Variants in PHGDH observed in about 807,000 individuals in gnomAD.
The protein encoded by PHGDH is phosphoglycerate dehydrogenase.
PHGDH carries 50 observed loss-of-function variants against 52.6 expected under a neutral mutation model. The ratio of observed to expected loss-of-function variants is 0.95; its 90% CI spans 0.76 to 1.20. The LOEUF (loss-of-function observed/expected upper bound fraction) is 1.20, where lower values mean the gene tolerates loss of function less well. Ranked by LOEUF, PHGDH falls within the 50% of genes most tolerant of loss-of-function variation. PHGDH has a pLI of 0.00. For synonymous variants in PHGDH, 271 were observed against 280.5 expected, an observed-to-expected ratio of 0.97 and a Z score of 0.34; for missense variants, 630 against 684.6, an observed-to-expected ratio of 0.92 and a Z score of 0.89.
At chr1:119,726,779 C>T in intron 3 of PHGDH, 72 bp from the exon 4 acceptor site, 2 of 1,255,716 alleles carry the variant, frequency 1.6e-6, no homozygotes, top group Non-Finnish European at 2.3e-6. Context: ...CTGTGCAAAC[C>T]TGATGTTGCA....
chr1:119,730,034 A>G (rs1651625167), intron 5 of PHGDH: 1 of 152,020 alleles, frequency 6.6e-6, no homozygotes, highest in African/African-American at 2.4e-5. Flanking sequence ...CATTCCGGAG[A>G]GTCTAAGTGG....
chr1:119,726,824 C>T, intron 3 of PHGDH, 27 bp from the exon 4 acceptor site: 1 of 1,607,002 alleles, frequency 6.2e-7, no homozygotes. Context: ...CCGAATGGAC[C>T]CTCTGAACCT....
intron 1 of PHGDH, chr1:119,712,556 C>G (rs1276574921): frequency 7.2e-6 from 2 of 279,504 alleles, no homozygotes; most frequent in Non-Finnish European, 1.4e-5. Context: ...CGCCTCCGCG[C>G]GGGGCGATCG....
chr1:119,729,623 T>C (rs1307934060), intron 5 of PHGDH: 1 of 152,118 alleles, frequency 6.6e-6, no homozygotes, highest in African/African-American at 2.4e-5. Context: ...CCTGAATGAT[T>C]GAGGTGCTAG....
intron 1 of PHGDH, among the ~76,000 whole-genome samples, chr1:119,718,781 T>C (rs1651033182): frequency 1.3e-5 from 2 of 152,170 alleles, no homozygotes; most frequent in African/African-American, 2.4e-5. Context: ...ACTATGGATA[T>C]ATGGTATAGA....
intron 10 of PHGDH, chr1:119,742,558 T>G (rs1473196604): frequency 1.0e-5 from 6 of 597,228 alleles, no homozygotes; most frequent in Middle Eastern, 4.4e-4. Context: ...CCTGTTTTCC[T>G]CCAAGCCTTC....
intron 5 of PHGDH, among the ~76,000 whole-genome samples, chr1:119,728,362 A>G (rs755316993): frequency 9.9e-5 from 15 of 152,190 alleles, no homozygotes; most frequent in Non-Finnish European, 1.9e-4. Context: ...ATGGCCTCAC[A>G]GTAGAGCCTT....
Position 119,727,054 on chromosome 1 carries a change from C to T in PHGDH, c.462C>T (p.Gly154=), listed in dbSNP as rs752236796. 4.3e-6 allele frequency: 7 copies of T among 1,613,284 alleles called. No individual in the cohort carries two copies. In the South Asian group the frequency reaches 7.7e-5, roughly 18 times the overall value. ...AGACCCTGGGAATTCTTGGCCTGGG[C>T]AGGATTGGGAGAGAGGTAGCTACCC... ...NGKTLGILGL[G]RIGREVATRM... The change falls in exon 5 of 12, where the codon GGC becomes GGT. Residue 154 remains glycine, a synonymous_variant. Coordinates refer to ENST00000641023, the MANE Select transcript of PHGDH (RefSeq NM_006623.4).
intron 1 of PHGDH, among the ~76,000 whole-genome samples, chr1:119,717,269 T>C (rs1650978221): frequency 7.3e-6 from 1 of 136,538 alleles, no homozygotes. Context: ...AAAGTTGATT[T>C]GTAGGAATTC....
At chr1:119,716,972 T>C (rs1489584248) in intron 1 of PHGDH, among the ~76,000 whole-genome samples, 1 of 152,118 alleles carries the variant, frequency 6.6e-6, no homozygotes, top group Non-Finnish European at 1.5e-5. Context: ...TTCCTTGATA[T>C]CTAGCGTTGA....
rs1156778065 is a variant in PHGDH at position 119,744,208 on chromosome 1, A to G, written c.*168A>G. On this transcript the variant is annotated 3_prime_UTR_variant, in exon 12 of 12. Transcript: ENST00000641023. ...GCAATAACCGTCTAATAAAGAGCCT[A>G]CCCCCAACTCCTTCTGCACTTTTGT... 5 of 688,962 alleles carry G rather than the reference A, an allele frequency of 7.3e-6. No homozygotes were observed. The highest frequency in any genetic ancestry group is 7.8e-6 in the Non-Finnish European group (3 of 384,898). 42.7% of individuals were successfully genotyped at this position (688,962 alleles called of 1,614,324 possible).
chr1:119,733,309 C>G (rs1344311533), intron 5 of PHGDH, among the ~76,000 whole-genome samples: 1 of 151,440 alleles, frequency 6.6e-6, no homozygotes, highest in Non-Finnish European at 1.5e-5. Flanking sequence ...AATTTGAAGT[C>G]CTCTTTCCTA....
chr1:119,722,486 G>A (rs1215880822), intron 2 of PHGDH, among the ~76,000 whole-genome samples: 1 of 152,152 alleles, frequency 6.6e-6, no homozygotes, highest in Non-Finnish European at 1.5e-5. Flanking sequence ...AAAATGGGAA[G>A]GGTCTGGATT....
chr1:119,723,242 C>T (rs1570993297), intron 2 of PHGDH, 134 bp from the exon 3 acceptor site: 2 of 776,040 alleles, frequency 2.6e-6, no homozygotes, highest in East Asian at 2.5e-5. Flanking sequence ...CATCAGAGAA[C>T]TCTGGACAGT....
At chr1:119,721,353 G>T in intron 2 of PHGDH, 32 bp downstream of exon 2, 5 of 1,608,424 alleles carry the variant, frequency 3.1e-6, no homozygotes, top group Non-Finnish European at 4.2e-6. Flanking sequence ...CGGTTTGGGG[G>T]TAGGGGGGTG....
intron 5 of PHGDH, among the ~76,000 whole-genome samples, chr1:119,732,693 G>A (rs932349575): frequency 6.6e-6 from 1 of 152,188 alleles, no homozygotes; most frequent in Non-Finnish European, 1.5e-5. Flanking sequence ...TGTGAAAGAA[G>A]GAAGCTGAGT....
At chr1:119,737,083 A>T in intron 7 of PHGDH, 31 bp from the exon 8 acceptor site, 1 of 1,612,968 alleles carries the variant, frequency 6.2e-7, no homozygotes. Flanking sequence ...AGTCCATGGC[A>T]GCCAACTTAG....
At chr1:119,737,024 C>A in intron 7 of PHGDH, 90 bp from the exon 8 acceptor site, 1 of 1,314,916 alleles carries the variant, frequency 7.6e-7, no homozygotes, top group Non-Finnish European at 1.1e-6. Context: ...TCCTGACTGC[C>A]TTCCCTCCAA....
Position 119,742,943 on chromosome 1 carries a change from A to G in PHGDH, c.1346A>G (p.Asn449Ser), listed in dbSNP as rs141662984. 5.2e-5 allele frequency: 84 copies of G among 1,613,956 alleles called. No homozygotes were observed. Among genetic ancestry groups the G allele is most frequent in the African/African-American group, 2.0e-4 (15 of 74,948 alleles). Residue 449 changes from asparagine (N) to serine (S), a missense_variant, in exon 11 of 12, where the codon AAT (asparagine) becomes AGT (serine). Coordinates refer to ENST00000641023, the MANE Select transcript of PHGDH (RefSeq NM_006623.4). Reference sequence around the variant, plus strand: ...ACTACGCCTGTACTGCAGGGGCTCAATGGAGCTGTCTTCAGGCCAGAAGTG... The same window carrying G: ...ACTACGCCTGTACTGCAGGGGCTCAGTGGAGCTGTCTTCAGGCCAGAAGTG... Reference protein sequence around the residue: ...QGTTPVLQGLNGAVFRPEVPL... With the variant: ...QGTTPVLQGLSGAVFRPEVPL...
Sources: gnomAD v4.1 joint callset for allele counts (sites outside exome capture counted in the v4.1 genomes callset) on GRCh38, gnomAD v4.1.1 for gene constraint, MANE v1.5 for transcripts, NCBI Gene and HGNC (gene_info 2026-07-23, HGNC 2026-07-21) for gene names.